Variants in PLCXD3 observed in about 807,000 individuals in gnomAD.
PLCXD3 encodes the protein PI-PLC X domain-containing protein 3.
PLCXD3 carries 19 observed loss-of-function variants against 25.5 expected under a neutral mutation model. The observed-to-expected ratio is 0.75, with a 90% CI of 0.52 to 1.09. The LOEUF is 1.09. PLCXD3 is among the 50% of genes least tolerant of loss of function. The probability of loss-of-function intolerance (pLI) is 0.00; values close to 1 mark genes in which losing one functional copy is unlikely to be tolerated. For synonymous variants in PLCXD3, 174 were observed against 137.6 expected (o/e 1.26, Z -1.85); for missense variants, 411 against 388.1 (o/e 1.06, Z -0.50).
At chr5:41,431,397 A>G (rs1414660395) in intron 1 of PLCXD3, among the ~76,000 whole-genome samples, 1 of 152,214 alleles carries the variant, frequency 6.6e-6, no homozygotes, top group Non-Finnish European at 1.5e-5. Flanking sequence ...ATTTTGACTT[A>G]CACATTCTTA....
chr5:41,355,564 C>T (rs1316712328), intron 2 of PLCXD3, among the ~76,000 whole-genome samples: 1 of 152,182 alleles, frequency 6.6e-6, no homozygotes, highest in South Asian at 2.1e-4. Context: ...CCTTTCCCTG[C>T]TACTCCTGGA....
At chr5:41,495,166 A>C (rs1748806817) in intron 1 of PLCXD3, among the ~76,000 whole-genome samples, 1 of 152,232 alleles carries the variant, frequency 6.6e-6, no homozygotes. Flanking sequence ...TTGGGAAGAA[A>C]CTTTGAGCTC....
intron 1 of PLCXD3, among the ~76,000 whole-genome samples, chr5:41,390,563 G>A (rs1183309556): frequency 1.3e-5 from 2 of 152,054 alleles, no homozygotes; most frequent in East Asian, 3.9e-4. Context: ...TTGTACACTG[G>A]TATCTCATAG....
At chr5:41,450,666 G>T (rs921935388) in intron 1 of PLCXD3, among the ~76,000 whole-genome samples, 1 of 152,004 alleles carries the variant, frequency 6.6e-6, no homozygotes, top group Non-Finnish European at 1.5e-5. Context: ...TACTTGTTAA[G>T]ACTGTCTGTG....
At chr5:41,488,317 C>A (rs1386359405) in intron 1 of PLCXD3, among the ~76,000 whole-genome samples, 1 of 128,078 alleles carries the variant, frequency 7.8e-6, no homozygotes. Flanking sequence ...TTTTCTTAAT[C>A]CAGTCTATCA....
intron 1 of PLCXD3, among the ~76,000 whole-genome samples, chr5:41,457,914 T>C (rs572051816): frequency 2.0e-5 from 3 of 151,874 alleles, no homozygotes; most frequent in South Asian, 4.2e-4. Flanking sequence ...AAAACAGTCA[T>C]AGAGCACAGA....
At chr5:41,380,629 C>T (rs1032076321) in intron 2 of PLCXD3, among the ~76,000 whole-genome samples, 5 of 152,152 alleles carry the variant, frequency 3.3e-5, no homozygotes, top group Admixed American at 6.6e-5. Context: ...TGCTATGCCA[C>T]AAGGTCACAC....
intron 1 of PLCXD3, among the ~76,000 whole-genome samples, chr5:41,453,578 C>T (rs1034081046): frequency 4.6e-5 from 7 of 151,920 alleles, no homozygotes; most frequent in East Asian, 3.9e-4. Flanking sequence ...TTTACCTCAT[C>T]GGTAAAATTG....
At chr5:41,500,069 A>G (rs962776003) in intron 1 of PLCXD3, among the ~76,000 whole-genome samples, 2 of 151,832 alleles carry the variant, frequency 1.3e-5, no homozygotes, top group African/African-American at 4.8e-5. Flanking sequence ...CATACTGGTC[A>G]TCTACCCAAA....
chr5:41,361,505 A>T (rs1467121937), intron 2 of PLCXD3, among the ~76,000 whole-genome samples: 1 of 152,200 alleles, frequency 6.6e-6, no homozygotes, highest in Non-Finnish European at 1.5e-5. Context: ...TGCTCCATTC[A>T]TCCCTGCAGG....
intron 2 of PLCXD3, among the ~76,000 whole-genome samples, chr5:41,355,080 C>A (rs148580278): frequency 6.6e-6 from 1 of 152,180 alleles, no homozygotes; most frequent in African/African-American, 2.4e-5. Flanking sequence ...TCAAGCTTCC[C>A]TTTCTCCAGT....
intron 1 of PLCXD3, among the ~76,000 whole-genome samples, chr5:41,417,703 G>A (rs1244304104): frequency 6.6e-6 from 1 of 152,194 alleles, no homozygotes. Flanking sequence ...CCATCACAAA[G>A]CTGTTAAGCC....
At chr5:41,448,157 G>C (rs889663685) in intron 1 of PLCXD3, among the ~76,000 whole-genome samples, 1 of 152,208 alleles carries the variant, frequency 6.6e-6, no homozygotes, top group South Asian at 2.1e-4. Context: ...AGAAGGTGTT[G>C]TGAAATCAAT....
intron 2 of PLCXD3, among the ~76,000 whole-genome samples, chr5:41,337,183 G>T (rs1744007262): frequency 6.6e-6 from 1 of 152,018 alleles, no homozygotes; most frequent in South Asian, 2.1e-4. Context: ...TACCCACGTG[G>T]GTACCTCTAC....
At chr5:41,469,794 T>C (rs1271081596) in intron 1 of PLCXD3, among the ~76,000 whole-genome samples, 3 of 152,258 alleles carry the variant, frequency 2.0e-5, no homozygotes. Flanking sequence ...TTCTGTATTA[T>C]AACATGCTAG....
At chr5:41,430,347 G>A (rs1463160940) in intron 1 of PLCXD3, among the ~76,000 whole-genome samples, 2 of 152,168 alleles carry the variant, frequency 1.3e-5, no homozygotes, top group Non-Finnish European at 2.9e-5. Context: ...TTGGAACCCT[G>A]ATAGGGTTAG....
Position 41,308,391 on chromosome 5 carries a change from C to G in PLCXD3, c.*5226G>C, listed in dbSNP as rs1743051187. 1 of 151,974 alleles carries G rather than the reference C, an allele frequency of 6.6e-6. No individual in the cohort carries two copies. The highest frequency in any genetic ancestry group is 1.5e-5 in the Non-Finnish European group (1 of 67,988). The allele number at this position is 151,974 out of a possible 1,614,324, so 9.4% of individuals were successfully genotyped here. The stretch of plus-strand genomic sequence containing the variant: ...GGATATCCTGTATTTTACCTGGCAA[C>G]TCTAAATATTGAAAAGGAATAACTA... On this transcript the variant is annotated 3_prime_UTR_variant, in exon 3 of 3. Transcript: ENST00000377801.
intron 1 of PLCXD3, among the ~76,000 whole-genome samples, chr5:41,430,972 A>G (rs922867165): frequency 6.6e-6 from 1 of 152,192 alleles, no homozygotes; most frequent in Non-Finnish European, 1.5e-5. Context: ...TGAGCTGACC[A>G]ATTGGTCATC....
intron 2 of PLCXD3, among the ~76,000 whole-genome samples, chr5:41,316,072 G>A (rs907669150): frequency 1.3e-5 from 2 of 152,192 alleles, no homozygotes; most frequent in Admixed American, 6.5e-5. Flanking sequence ...AACCCAGGCT[G>A]CACAGCTTGT....
Sources: gnomAD v4.1 joint callset for allele counts (sites outside exome capture counted in the v4.1 genomes callset) on GRCh38, gnomAD v4.1.1 for gene constraint, MANE v1.5 for transcripts, NCBI Gene and HGNC (gene_info 2026-07-23, HGNC 2026-07-21) for gene names.